The following FAM178B variants were observed in gnomAD, a reference collection of about 807,000 sequenced individuals.
FAM178B encodes protein FAM178B.
In FAM178B, 82 loss-of-function variants were observed where a neutral mutation model predicts 91.7. The ratio of observed to expected loss-of-function variants is 0.89; its 90% CI spans 0.75 to 1.07. The LOEUF (loss-of-function observed/expected upper bound fraction) is 1.07. FAM178B is among the 50% of genes least tolerant of loss of function. The pLI, the probability that FAM178B is intolerant of heterozygous loss-of-function variation, is 0.00. For missense variants in FAM178B, 769 were observed against 846.7 expected, an observed-to-expected ratio of 0.91 and a Z score of 1.14; for synonymous variants, 368 against 359.4, an observed-to-expected ratio of 1.02 and a Z score of -0.27.
intron 13 of FAM178B, among the ~76,000 whole-genome samples, chr2:96,899,583 A>G (rs2080887354): frequency 6.6e-6 from 1 of 151,946 alleles, no homozygotes. Flanking sequence ...AAGAAAAAAA[A>G]AAGCGGGTCT....
intron 12 of FAM178B, among the ~76,000 whole-genome samples, chr2:96,905,962 C>T (rs1297544185): frequency 1.4e-5 from 2 of 144,918 alleles, no homozygotes; most frequent in Admixed American, 7.0e-5. Flanking sequence ...ACCTCTGCCT[C>T]CTCGGTTCAA....
intron 1 of FAM178B, 37 bp from the exon 2 acceptor site, chr2:96,972,643 A>G (rs1267277570): frequency 1.3e-6 from 2 of 1,538,134 alleles, no homozygotes; most frequent in Middle Eastern, 1.7e-4. Flanking sequence ...GTGAACCTCC[A>G]GAAGAAAGCT....
intron 13 of FAM178B, chr2:96,895,281 A>G (rs1291541846): frequency 2.6e-6 from 1 of 387,462 alleles, no homozygotes. Context: ...CCTTATCATC[A>G]TCCAACACCT....
intron 1 of FAM178B, among the ~76,000 whole-genome samples, chr2:96,979,475 T>G (rs1412426030): frequency 6.6e-6 from 1 of 152,114 alleles, no homozygotes; most frequent in Non-Finnish European, 1.5e-5. Flanking sequence ...GTGCTGGAAT[T>G]ACAGGCATGA....
intron 13 of FAM178B, chr2:96,897,876 G>T: frequency 1.2e-6 from 1 of 834,496 alleles, no homozygotes; most frequent in Non-Finnish European, 1.4e-6. Context: ...AACCCTCACC[G>T]TAGCCTTGAG....
At chr2:96,890,307 T>C (rs1485889070) in intron 14 of FAM178B, among the ~76,000 whole-genome samples, 1 of 151,880 alleles carries the variant, frequency 6.6e-6, no homozygotes, top group Non-Finnish European at 1.5e-5. Flanking sequence ...GCAATATAAA[T>C]AAATAAATAA....
chr2:96,911,293 T>G (rs1470223052), intron 12 of FAM178B, among the ~76,000 whole-genome samples: 1 of 152,156 alleles, frequency 6.6e-6, no homozygotes, highest in Admixed American at 6.5e-5. Context: ...GGAGATGCCT[T>G]GGCCGGAGCC....
chr2:96,981,740 CAAA>C (rs377081384), intron 1 of FAM178B, among the ~76,000 whole-genome samples: 1 of 18,718 alleles, frequency 5.3e-5, no homozygotes, highest in African/African-American at 1.5e-4. Flanking sequence ...GACTCCGTCT[CAAA>C]AAAAAAAAAA....
At chr2:96,887,300 T>G (rs2080550793) in intron 14 of FAM178B, among the ~76,000 whole-genome samples, 1 of 152,184 alleles carries the variant, frequency 6.6e-6, no homozygotes. Flanking sequence ...AACACCTAGC[T>G]TCAGATGATC....
intron 1 of FAM178B, among the ~76,000 whole-genome samples, chr2:96,976,385 G>C (rs2082288969): frequency 1.3e-5 from 2 of 151,730 alleles, no homozygotes; most frequent in Non-Finnish European, 1.5e-5. Context: ...GAGCCACCAT[G>C]CCTGGCCAAA....
intron 1 of FAM178B, among the ~76,000 whole-genome samples, chr2:96,983,445 T>A (rs1430625032): frequency 1.3e-5 from 2 of 152,066 alleles, no homozygotes; most frequent in East Asian, 1.9e-4. Context: ...ATATATATAT[T>A]TTTGAGACAT....
At chr2:96,974,033 A>C (rs1245679384) in intron 1 of FAM178B, among the ~76,000 whole-genome samples, 1 of 151,826 alleles carries the variant, frequency 6.6e-6, no homozygotes, top group Non-Finnish European at 1.5e-5. Context: ...AAATAAATAA[A>C]TTTAAGATAT....
At chr2:96,981,759 A>G (rs1410689171) in intron 1 of FAM178B, among the ~76,000 whole-genome samples, 63 of 149,364 alleles carry the variant, frequency 4.2e-4, no homozygotes, top group South Asian at 3.6e-3. Flanking sequence ...AAAAAAAAAA[A>G]AAAGAAAGAA....
intron 6 of FAM178B, 46 bp downstream of exon 6, chr2:96,960,242 C>T (rs953730025): frequency 1.3e-6 from 2 of 1,546,934 alleles, no homozygotes; most frequent in Non-Finnish European, 1.7e-6. Context: ...AGGGAGGGGT[C>T]CTGGACAGGC....
intron 8 of FAM178B, among the ~76,000 whole-genome samples, chr2:96,929,614 G>A (rs963079860): frequency 1.3e-5 from 2 of 152,346 alleles, no homozygotes; most frequent in South Asian, 2.1e-4. Context: ...AGTAGTCAGG[G>A]TGCTCGGCTG....
At chr2:96,915,633 T>C (rs1020060439) in intron 12 of FAM178B, among the ~76,000 whole-genome samples, 1 of 151,514 alleles carries the variant, frequency 6.6e-6, no homozygotes, top group African/African-American at 2.4e-5. Flanking sequence ...CTGCCCAACA[T>C]GGAGAAACCT....
At chr2:96,909,419 G>A (rs1018885266) in intron 12 of FAM178B, among the ~76,000 whole-genome samples, 3 of 152,070 alleles carry the variant, frequency 2.0e-5, no homozygotes, top group Non-Finnish European at 2.9e-5. Context: ...GGAGCTCTCC[G>A]CCAACCTAGG....
chr2:96,904,867 G>A (rs189449760), intron 12 of FAM178B, among the ~76,000 whole-genome samples: 11 of 151,780 alleles, frequency 7.2e-5, no homozygotes, highest in Admixed American at 7.2e-4. Context: ...GGGTTTAAGC[G>A]ATTCTCCTGC....
At chr2:96,955,043 C>G (rs1367565993) in intron 6 of FAM178B, among the ~76,000 whole-genome samples, 1 of 152,046 alleles carries the variant, frequency 6.6e-6, no homozygotes, top group Non-Finnish European at 1.5e-5. Context: ...GAGCATGGGC[C>G]TGACTAAAAA....
Sources: gnomAD v4.1 joint callset for allele counts (sites outside exome capture counted in the v4.1 genomes callset) on GRCh38, gnomAD v4.1.1 for gene constraint, MANE v1.5 for transcripts, NCBI Gene and HGNC (gene_info 2026-07-23, HGNC 2026-07-21) for gene names.